HS3ST5: variants seen among roughly 807,000 people sequenced by gnomAD.
HS3ST5 encodes heparan sulfate-glucosamine 3-sulfotransferase 5, also known as heparan sulfate glucosamine 3-O-sulfotransferase 5.
HS3ST5 carries 10 observed loss-of-function variants against 25.4 expected under a neutral mutation model. The ratio of observed to expected loss-of-function variants is 0.39; its 90% CI spans 0.24 to 0.67. The LOEUF (loss-of-function observed/expected upper bound fraction) is 0.67, where lower values mean the gene tolerates loss of function less well. Ranked by LOEUF, HS3ST5 falls within the 30% of genes least tolerant of loss-of-function variation. The pLI is 0.44. For synonymous variants in HS3ST5, 170 were observed against 162.4 expected (o/e 1.05, Z -0.36); for missense variants, 324 against 420.7 (o/e 0.77, Z 2.01).
At chr6:114,078,207 CT>C (rs1249159350) in intron 3 of HS3ST5, among the ~76,000 whole-genome samples, 1 of 151,944 alleles carries the variant, frequency 6.6e-6, no homozygotes, top group African/African-American at 2.4e-5. Context: ...TTTTCTTTTT[CT>C]TTTTCTTTTT....
chr6:114,298,340 A>G (rs185465146), intron 1 of HS3ST5, among the ~76,000 whole-genome samples: 91 of 152,294 alleles, frequency 6.0e-4, no homozygotes, highest in African/African-American at 2.2e-3. Context: ...GTTTTGGCCA[A>G]TTTTCCACAG....
chr6:114,104,032 A>G (rs1219888167), intron 3 of HS3ST5, among the ~76,000 whole-genome samples: 1 of 151,700 alleles, frequency 6.6e-6, no homozygotes, highest in Non-Finnish European at 1.5e-5. Flanking sequence ...ACTCTTAAGT[A>G]TTTCATTCCT....
In HS3ST5 at chr6:114,113,345, G is replaced by A. The variant is rs564266858; in HGVS notation, c.-32-50468C>T. On this transcript the variant is annotated intron_variant, in intron 3 of 4. Coordinates refer to ENST00000312719, the MANE Select transcript of HS3ST5 (RefSeq NM_153612.4). ...GTAAAAAATCTAAACTCTAGCATGC[G>A]CTACGAAAATATATGTAACTGGACA... Among the ~76,000 whole-genome samples the A allele has an allele frequency of 5.5e-4, 83 of 152,096 alleles. 1 individual carries two copies. Among genetic ancestry groups the A allele is most frequent in the African/African-American group, 1.9e-3 (79 of 41,490 alleles).
At chr6:114,312,647 C>T (rs1481119790) in intron 1 of HS3ST5, among the ~76,000 whole-genome samples, 1 of 151,768 alleles carries the variant, frequency 6.6e-6, no homozygotes, top group Non-Finnish European at 1.5e-5. Flanking sequence ...AGACCTATAT[C>T]CAGAAGTGGA....
chr6:114,338,537 C>T (rs969081952), intron 1 of HS3ST5, among the ~76,000 whole-genome samples: 1 of 152,014 alleles, frequency 6.6e-6, no homozygotes. Flanking sequence ...ATGGAACTTC[C>T]ATATGAGATT....
intron 1 of HS3ST5, among the ~76,000 whole-genome samples, chr6:114,268,624 AAC>A (rs1773511641): frequency 6.6e-6 from 1 of 152,220 alleles, no homozygotes; most frequent in Non-Finnish European, 1.5e-5. Context: ...TTCAGAAATG[AAC>A]AGTTAGGCCA....
Position 114,297,863 on chromosome 6 carries a change from T to C in HS3ST5, c.-339+44332A>G, listed in dbSNP as rs1048717053. On this transcript the variant is annotated intron_variant, in intron 1 of 4. Transcript: ENST00000312719. ...AATGAATACAATAGAATCTGACACA[T>C]TGTTTTGGGAATAGTAACTGGAACA... 7.9e-5 allele frequency among the ~76,000 whole-genome samples: 12 copies of C among 152,288 alleles called. No individual in the cohort carries two copies. The South Asian group carries it at 1.0e-3, about 13-fold the overall frequency.
intron 1 of HS3ST5, among the ~76,000 whole-genome samples, chr6:114,291,698 T>C (rs1367126065): frequency 6.6e-6 from 1 of 152,174 alleles, no homozygotes; most frequent in Non-Finnish European, 1.5e-5. Flanking sequence ...AGATCTGAAA[T>C]GTCAGTCCTG....
chr6:114,328,964 T>C (rs1776282096), intron 1 of HS3ST5, among the ~76,000 whole-genome samples: 2 of 152,000 alleles, frequency 1.3e-5, no homozygotes, highest in Non-Finnish European at 2.9e-5. Context: ...TGAAGTTAAA[T>C]AGTTTTTTTT....
intron 3 of HS3ST5, among the ~76,000 whole-genome samples, chr6:114,109,244 G>A (rs1354191955): frequency 3.4e-5 from 5 of 149,032 alleles, no homozygotes; most frequent in Non-Finnish European, 7.4e-5. Context: ...GGTTTAAGCG[G>A]AAGGTGTTTG....
chr6:114,126,147 AC>A (rs1181639545), intron 3 of HS3ST5, among the ~76,000 whole-genome samples: 1 of 152,216 alleles, frequency 6.6e-6, no homozygotes, highest in Non-Finnish European at 1.5e-5. Context: ...CCCTGGATAG[AC>A]CAAGAAAAAA....
intron 1 of HS3ST5, among the ~76,000 whole-genome samples, chr6:114,295,705 A>G (rs1774789270): frequency 6.6e-6 from 1 of 152,210 alleles, no homozygotes; most frequent in Non-Finnish European, 1.5e-5. Context: ...AGGGCCATGT[A>G]CAAGCAATTA....
intron 3 of HS3ST5, among the ~76,000 whole-genome samples, chr6:114,149,072 C>T (rs1778317175): frequency 1.3e-5 from 2 of 152,146 alleles, no homozygotes; most frequent in Non-Finnish European, 2.9e-5. Flanking sequence ...ATTAAAAAGT[C>T]AGGAAACAAC....
chr6:114,131,847 A>G (rs1484049005), intron 3 of HS3ST5, among the ~76,000 whole-genome samples: 1 of 152,202 alleles, frequency 6.6e-6, no homozygotes, highest in Non-Finnish European at 1.5e-5. Context: ...CTTGCTTGTA[A>G]CCATGTGGGC....
At chr6:114,215,995 A>G (rs1328557759) in intron 2 of HS3ST5, among the ~76,000 whole-genome samples, 1 of 152,148 alleles carries the variant, frequency 6.6e-6, no homozygotes, top group Non-Finnish European at 1.5e-5. Flanking sequence ...CTGATCTTTC[A>G]CAAAGATTCA....
intron 2 of HS3ST5, among the ~76,000 whole-genome samples, chr6:114,199,429 A>G (rs1008875977): frequency 8.5e-5 from 13 of 152,206 alleles, no homozygotes; most frequent in Admixed American, 2.0e-4. Context: ...AAAATATTCT[A>G]TGCCCAAATA....
chr6:114,342,882 G>A lies in HS3ST5; in HGVS notation c.-1026C>T. The A allele has an allele frequency of 6.5e-6, 1 of 152,868 alleles. No individual in the cohort carries two copies. Among genetic ancestry groups the A allele is most frequent in the Non-Finnish European group, 1.5e-5 (1 of 68,514 alleles). The allele number at this position is 152,868 out of a possible 1,614,324, so 9.5% of individuals were successfully genotyped here. A position where few individuals can be genotyped will look rare whatever the true frequency, so the allele number is the denominator to read the frequency against. ...GCTGGCGCTGTCACGGCCGCCGCCC[G>A]GCCCCCAGAGCGCCCGAGCCGGCAG... is the stretch of plus-strand genomic sequence containing the variant. On this transcript the variant is annotated 5_prime_UTR_variant, in exon 1 of 5. Transcript: ENST00000312719.
At chr6:114,311,229 G>T (rs1233146992) in intron 1 of HS3ST5, among the ~76,000 whole-genome samples, 2 of 152,080 alleles carry the variant, frequency 1.3e-5, no homozygotes, top group Non-Finnish European at 2.9e-5. Context: ...AAAATCTGAT[G>T]CTATTCGACC....
At chr6:114,202,268 T>A (rs1781058083) in intron 2 of HS3ST5, among the ~76,000 whole-genome samples, 1 of 152,158 alleles carries the variant, frequency 6.6e-6, no homozygotes, top group South Asian at 2.1e-4. Flanking sequence ...AAAAAATTTT[T>A]AAAAATCCTG....
Sources: allele counts gnomAD v4.1 joint callset (sites outside exome capture counted in the v4.1 genomes callset), GRCh38; gene constraint gnomAD v4.1.1; transcripts MANE v1.5; gene names NCBI Gene and HGNC (gene_info 2026-07-23, HGNC 2026-07-21).